MYH13: variants seen among roughly 807,000 people sequenced by gnomAD.
The protein encoded by MYH13 is myosin heavy chain 13, also known as myosin-13.
Under a neutral mutation model 232.1 loss-of-function variants are expected in MYH13, and 177 were observed. That is an observed-to-expected ratio of 0.76 (90% CI 0.67 to 0.86). MYH13 has a LOEUF of 0.86. Ranked by LOEUF, MYH13 falls within the 40% of genes least tolerant of loss-of-function variation. The probability of loss-of-function intolerance (pLI) is 0.00; values close to 1 mark genes in which losing one functional copy is unlikely to be tolerated. For synonymous variants in MYH13, 884 were observed against 923.5 expected (o/e 0.96, Z 0.78); for missense variants, 2,246 against 2,405.9 (o/e 0.93, Z 1.39).
At position 10,309,752 on chromosome 17, in the gene MYH13, T is replaced by C; in HGVS notation, c.4735A>G (p.Lys1579Glu). ...LSQVKSELDR[K>E]VIEKDEEIEQ... The stretch of plus-strand genomic sequence containing the variant: ...ATTTCTTCATCCTTCTCAATGACCT[T>C]GCGGTCTAGCTCGGATTTCACCTGG... The change falls in exon 34 of 41, where the codon AAG (lysine) becomes GAG (glutamate). Residue 1579 changes from lysine to glutamate, a missense_variant. By Grantham distance (56) the Lys-to-Glu change is moderately conservative. Coordinates refer to ENST00000252172, the MANE Select transcript of MYH13 (RefSeq NM_003802.3). 1 of 1,601,848 alleles carries C rather than the reference T, an allele frequency of 6.2e-7. No homozygotes were observed. Among genetic ancestry groups the C allele is most frequent in the Non-Finnish European group, 8.5e-7 (1 of 1,174,018 alleles).
chr17:10,319,204 T>C, intron 26 of MYH13, 25 bp from the exon 27 acceptor site: 2 of 1,601,312 alleles, frequency 1.2e-6, no homozygotes, highest in Non-Finnish European at 1.7e-6. Context: ...CTATCAGGAA[T>C]GTTATTGTGG....
rs116509674 is a variant in MYH13 at position 10,330,556 on chromosome 17, T to C, written c.2299-33A>G. The C allele has an allele frequency of 2.4e-3, 3,832 of 1,581,194 alleles. 77 individuals carry two copies. In the African/African-American group the frequency reaches 0.046, roughly 19 times the overall value. ...AAAAGACAGAGGAGCCTTGATCTTT[T>C]TCCCCAGCAGGCGTTCAGCCGGGCC... On this transcript the variant is annotated intron_variant, in intron 20 of 40. Transcript: ENST00000252172.
chr17:10,346,552 A>T, intron 13 of MYH13, 128 bp downstream of exon 13: 1 of 660,880 alleles, frequency 1.5e-6, no homozygotes, highest in Non-Finnish European at 2.4e-6. Flanking sequence ...AAGCCTAAAA[A>T]TGAACTTCCT....
At chr17:10,343,603 G>A (rs1338061756) in intron 16 of MYH13, among the ~76,000 whole-genome samples, 197 bp downstream of exon 16, 4 of 152,120 alleles carry the variant, frequency 2.6e-5, no homozygotes, top group Admixed American at 1.3e-4. Context: ...CCACTGAGAG[G>A]TCCTGTTTAC....
chr17:10,309,443 G>A lies in MYH13; in HGVS notation c.4966-6C>T, dbSNP rs1370832666. On this transcript the variant is annotated splice_polypyrimidine_tract_variant and splice_region_variant and intron_variant, in intron 34 of 40. Coordinates refer to ENST00000252172, the MANE Select transcript of MYH13 (RefSeq NM_003802.3). ...TCGAGATGCAGCTGGGAGTCCTGCA[G>A]GGGAGACCCAGAGTGAGGCCAGAGC... 6.2e-7 allele frequency: 1 copy of A among 1,600,678 alleles called. No homozygotes were observed. Among genetic ancestry groups the A allele is most frequent in the South Asian group, 1.1e-5 (1 of 89,060 alleles).
intron 39 of MYH13, among the ~76,000 whole-genome samples, chr17:10,302,641 C>T (rs1431364225): frequency 3.3e-5 from 5 of 152,186 alleles, no homozygotes; most frequent in African/African-American, 1.2e-4. Context: ...CCTCAGAAGA[C>T]ACTTTGGGAA....
chr17:10,311,805 TG>T (rs1906516847), intron 32 of MYH13, 105 bp downstream of exon 32: 2 of 1,312,620 alleles, frequency 1.5e-6, no homozygotes, highest in Non-Finnish European at 2.1e-6. Context: ...GAGGATCGTG[TG>T]GGGCAGTGGG....
At chr17:10,372,146 A>G (rs1294406567) in intron 1 of MYH13, among the ~76,000 whole-genome samples, 1 of 152,206 alleles carries the variant, frequency 6.6e-6, no homozygotes, top group Non-Finnish European at 1.5e-5. Context: ...ATATCCTAAA[A>G]TTCTCACAAT....
In MYH13 at chr17:10,333,179, T is replaced by A; in HGVS notation, c.2069A>T (p.His690Leu). The change falls in exon 19 of 41, where the codon CAC becomes CTC. Residue 690 changes from histidine (H) to leucine (L), a missense_variant. His to Leu is a moderately conservative substitution (Grantham distance 99). Coordinates refer to ENST00000252172, the MANE Select transcript of MYH13 (RefSeq NM_003802.3). Reference sequence around the variant, plus strand: ...GCGCAGCTGGTGCATGACCAAGTAGTGGTCCATCACACCTGGAGAGAGAAC... The same window carrying A: ...GCGCAGCTGGTGCATGACCAAGTAGAGGTCCATCACACCTGGAGAGAGAAC... ...NETKTPGVMD[H>L]YLVMHQLRCN... is the part of the protein sequence containing the mutation. 2.6e-6 allele frequency: 4 copies of A among 1,549,964 alleles called. No individual in the cohort carries two copies. Among genetic ancestry groups the A allele is most frequent in the Non-Finnish European group, 3.5e-6 (4 of 1,145,502 alleles).
chr17:10,345,297 C>A lies in MYH13; in HGVS notation c.1489G>T (p.Val497Leu). Residue 497 changes from valine to leucine, a missense_variant, in exon 15 of 41, where the codon GTG (valine) becomes TTG (leucine). By Grantham distance (32) the Val-to-Leu change is conservative. Transcript: ENST00000252172. The stretch of plus-strand genomic sequence containing the variant: ...TTCTTGTACTCTTCCTGCTCCAGCA[C>A]GAACATGTGGTGGTTGAAAAACTGT... ...LQQFFNHHMF[V>L]LEQEEYKKEG... 1 of 1,614,204 alleles carries A rather than the reference C, an allele frequency of 6.2e-7. No individual in the cohort carries two copies. Among genetic ancestry groups the A allele is most frequent in the Non-Finnish European group, 8.5e-7 (1 of 1,180,052 alleles).
intron 29 of MYH13, among the ~76,000 whole-genome samples, chr17:10,313,626 A>G (rs1394560266): frequency 6.6e-6 from 1 of 152,200 alleles, no homozygotes; most frequent in Non-Finnish European, 1.5e-5. Context: ...CCATAAGTGC[A>G]ATGGAAATAA....
intron 27 of MYH13, among the ~76,000 whole-genome samples, chr17:10,318,088 A>G (rs1426057437): frequency 6.6e-6 from 1 of 152,074 alleles, no homozygotes; most frequent in East Asian, 1.9e-4. Context: ...CCAAAAATAC[A>G]AAAATTAGCC....
chr17:10,317,117 C>T (rs767062330), intron 27 of MYH13, among the ~76,000 whole-genome samples: 3 of 152,210 alleles, frequency 2.0e-5, no homozygotes, highest in East Asian at 1.9e-4. Flanking sequence ...GAGCAGCACA[C>T]GGCAATTCTG....
At chr17:10,363,761 T>C (rs570939683) in intron 3 of MYH13, among the ~76,000 whole-genome samples, 1 of 152,264 alleles carries the variant, frequency 6.6e-6, no homozygotes, top group East Asian at 1.9e-4. Flanking sequence ...TTAAGTTTAA[T>C]AACAAAAAAT....
At chr17:10,331,973 AC>A (rs1907420387) in intron 20 of MYH13, 125 bp downstream of exon 20, 1 of 1,206,076 alleles carries the variant, frequency 8.3e-7, no homozygotes, top group Admixed American at 2.4e-5. Flanking sequence ...AGCTCCCCTT[AC>A]CTGGGCGACT....
At position 10,312,628 on chromosome 17, in the gene MYH13, C is replaced by T; in HGVS notation, c.4311G>A (p.Glu1437=). ...GEVEDLMRDL[E]RSHTACATLD... ...GTGTGGCACAGGCGGTGTGGGAGCG[C>T]TCCAGATCCCGCATCAGATCCTCCA... The change falls in exon 31 of 41, where the codon GAG becomes GAA. Residue 1437 remains glutamate (E), a synonymous_variant. Coordinates refer to ENST00000252172, the MANE Select transcript of MYH13 (RefSeq NM_003802.3). 2 of 1,613,410 alleles carry T rather than the reference C, an allele frequency of 1.2e-6. No individual in the cohort carries two copies. The highest frequency in any genetic ancestry group is 1.1e-5 in the South Asian group (1 of 90,858).
Position 10,304,574 on chromosome 17 carries a change from G to T in MYH13, c.5467-1076C>A, listed in dbSNP as rs1304164252. Among the ~76,000 whole-genome samples the T allele has an allele frequency of 2.0e-5, 3 of 152,212 alleles. No homozygotes were observed. The highest frequency in any genetic ancestry group is 7.2e-5 in the African/African-American group (3 of 41,450). On this transcript the variant is annotated intron_variant, in intron 37 of 40. Transcript: ENST00000252172. The surrounding 1 kb of genome is among the most constrained non-coding windows in gnomAD (Gnocchi z 5.3). Reference sequence around the variant, plus strand: ...AACTTGAACTTACAGATCAAGTAAGGCAGCAGGGATCACGAAGAGAACCTG... The same window carrying T: ...AACTTGAACTTACAGATCAAGTAAGTCAGCAGGGATCACGAAGAGAACCTG...
intron 2 of MYH13, among the ~76,000 whole-genome samples, chr17:10,368,731 T>C (rs1325468185): frequency 1.3e-5 from 2 of 152,200 alleles, no homozygotes; most frequent in African/African-American, 4.8e-5. Context: ...TAAAAAGTTC[T>C]TGGGACTCTA....
intron 24 of MYH13, among the ~76,000 whole-genome samples, chr17:10,320,817 C>T (rs1035104162): frequency 2.0e-5 from 3 of 152,228 alleles, no homozygotes; most frequent in Non-Finnish European, 4.4e-5. Flanking sequence ...ACAGACAATA[C>T]AAATGGGGGC....
Sources: gnomAD v4.1 joint callset for allele counts (sites outside exome capture counted in the v4.1 genomes callset) on GRCh38, gnomAD v4.1.1 for gene constraint, Gnocchi (gnomAD v3.1) non-coding constraint, MANE v1.5 for transcripts, NCBI Gene and HGNC (gene_info 2026-07-23, HGNC 2026-07-21) for gene names.